The following RAB11FIP4 variants were observed in gnomAD, a reference collection of about 807,000 sequenced individuals.
RAB11FIP4 encodes RAB11 family interacting protein 4, also known as rab11 family-interacting protein 4.
Under a neutral mutation model 74.3 loss-of-function variants are expected in RAB11FIP4, and 23 were observed. The ratio of observed to expected loss-of-function variants is 0.31; its 90% CI spans 0.22 to 0.44. RAB11FIP4 has a LOEUF of 0.44. Among genes scored for constraint, RAB11FIP4 ranks in the 20% least tolerant of loss-of-function variants. The probability of loss-of-function intolerance (pLI) is 1.00; values close to 1 mark genes in which losing one functional copy is unlikely to be tolerated. For synonymous variants in RAB11FIP4, 360 were observed against 359.9 expected (o/e 1.00, Z 0.00); for missense variants, 630 against 863.9 (o/e 0.73, Z 3.39).
intron 3 of RAB11FIP4, among the ~76,000 whole-genome samples, chr17:31,436,764 GT>G (rs57496389): frequency 0.56 from 82,328 of 147,208 alleles, 23,169 homozygotes; most frequent in Admixed American, 0.64. Context: ...TTTTTTTTTT[GT>G]TTTTTTTTGT....
intron 3 of RAB11FIP4, among the ~76,000 whole-genome samples, chr17:31,496,316 A>G (rs2072115221): frequency 6.6e-6 from 1 of 152,216 alleles, no homozygotes; most frequent in Admixed American, 6.5e-5. Context: ...CTCCCACCAC[A>G]TATGAATCGT....
chr17:31,523,655 TC>T, intron 8 of RAB11FIP4, 44 bp downstream of exon 8: 1 of 1,544,862 alleles, frequency 6.5e-7, no homozygotes, highest in Non-Finnish European at 9.0e-7. Context: ...GCATGCCTGC[TC>T]CCAGGGGAGA....
At chr17:31,488,340 G>T in intron 3 of RAB11FIP4, 2 of 1,029,668 alleles carry the variant, frequency 1.9e-6, no homozygotes, top group Non-Finnish European at 1.2e-6. Context: ...GGCCCGGCCC[G>T]CGGCCCCGGG....
intron 3 of RAB11FIP4, chr17:31,488,224 G>A: frequency 1.8e-6 from 2 of 1,138,646 alleles, no homozygotes; most frequent in Non-Finnish European, 2.2e-6. Flanking sequence ...CCGCGCCTCT[G>A]CCGGGGAGCG....
chr17:31,456,561 T>C (rs2071580913), intron 3 of RAB11FIP4, among the ~76,000 whole-genome samples: 1 of 152,186 alleles, frequency 6.6e-6, no homozygotes, highest in South Asian at 2.1e-4. Context: ...CCTGATGAAA[T>C]GATACCTTTT....
In RAB11FIP4 at chr17:31,524,047, G is replaced by T. The variant is rs760244995; in HGVS notation, c.1133+51G>T. On this transcript the variant is annotated intron_variant, in intron 9 of 14. Coordinates refer to ENST00000621161, the MANE Select transcript of RAB11FIP4 (RefSeq NM_032932.6). ...CTCGGCCGTGACGCTGGGGAACAAAGGGGGGTCCATCTTGCTAAGACCTCC... is the reference window on the plus strand; with the variant it reads ...CTCGGCCGTGACGCTGGGGAACAAATGGGGGTCCATCTTGCTAAGACCTCC... 9.5e-6 allele frequency: 13 copies of T among 1,367,106 alleles called. No homozygotes were observed. The East Asian group carries it at 3.1e-4, about 33-fold the overall frequency. The allele number at this position is 1,367,106 out of a possible 1,614,324, so 84.7% of individuals were successfully genotyped here. A position where few individuals can be genotyped will look rare whatever the true frequency, so the allele number is the denominator to read the frequency against.
intron 3 of RAB11FIP4, among the ~76,000 whole-genome samples, chr17:31,468,477 T>C (rs1350865848): frequency 6.6e-6 from 1 of 152,206 alleles, no homozygotes; most frequent in African/African-American, 2.4e-5. Context: ...ATGCATTCTC[T>C]GGTGGATCTG....
At chr17:31,483,192 CAAAAAAAAAA>C (rs56720417) in intron 3 of RAB11FIP4, among the ~76,000 whole-genome samples, 5 of 58,556 alleles carry the variant, frequency 8.5e-5, no homozygotes, top group East Asian at 4.8e-4. Context: ...GACTGCATCT[CAAAAAAAAAA>C]AAAAAAAAAA....
At chr17:31,422,556 T>C (rs191710980) in intron 1 of RAB11FIP4, among the ~76,000 whole-genome samples, 86 of 152,370 alleles carry the variant, frequency 5.6e-4, no homozygotes, top group African/African-American at 2.0e-3. Flanking sequence ...AGGATTGTTA[T>C]GTATCTTCTT....
At chr17:31,499,988 G>C (rs923823108) in intron 3 of RAB11FIP4, among the ~76,000 whole-genome samples, 2 of 152,162 alleles carry the variant, frequency 1.3e-5, no homozygotes, top group Admixed American at 1.3e-4. Context: ...CCAACAGTTT[G>C]CCTCCGAAGT....
chr17:31,498,674 C>G (rs574871902), intron 3 of RAB11FIP4, among the ~76,000 whole-genome samples: 8 of 152,280 alleles, frequency 5.3e-5, no homozygotes, highest in Middle Eastern at 3.4e-3. Flanking sequence ...GGCTTTGGAC[C>G]GTGGGTCAGC....
At chr17:31,428,590 T>A (rs1304727331) in intron 1 of RAB11FIP4, among the ~76,000 whole-genome samples, 1 of 152,014 alleles carries the variant, frequency 6.6e-6, no homozygotes, top group Non-Finnish European at 1.5e-5. Context: ...TGTACACATG[T>A]GTATGCACTA....
At chr17:31,524,940 C>T (rs1037747663) in intron 9 of RAB11FIP4, 150 bp from the exon 10 acceptor site, 24 of 884,682 alleles carry the variant, frequency 2.7e-5, no homozygotes, top group South Asian at 6.4e-5. Flanking sequence ...GCGGTGTCCC[C>T]GTTCATCTCT....
chr17:31,476,110 G>A (rs1025374638), intron 3 of RAB11FIP4, among the ~76,000 whole-genome samples: 4 of 148,158 alleles, frequency 2.7e-5, no homozygotes, highest in East Asian at 4.0e-4. Context: ...CAGTATTCAC[G>A]ATTCTGTGTT....
At position 31,521,981 on chromosome 17, in the gene RAB11FIP4, T is replaced by A; in HGVS notation, c.825T>A (p.Ser275=). 1 of 1,614,182 alleles carries A rather than the reference T, an allele frequency of 6.2e-7. No homozygotes were observed. Residue 275 remains serine, a synonymous_variant, in exon 6 of 15, where the codon TCT becomes TCA. Coordinates refer to ENST00000621161, the MANE Select transcript of RAB11FIP4 (RefSeq NM_032932.6). ...GCGAATTGCTAGATGTTTACTGCTCTCAATGCTGCAAGAAAATCAACCTGC... is the reference window on the plus strand; with the variant it reads ...GCGAATTGCTAGATGTTTACTGCTCACAATGCTGCAAGAAAATCAACCTGC... The part of the protein sequence containing the change: ...YNSELLDVYC[S]QCCKKINLLN...
chr17:31,490,646 C>T (rs1256172441), intron 3 of RAB11FIP4, among the ~76,000 whole-genome samples: 1 of 152,118 alleles, frequency 6.6e-6, no homozygotes, highest in Non-Finnish European at 1.5e-5. Flanking sequence ...GCCTCCCACC[C>T]TCCCAGGCTC....
chr17:31,416,974 G>A (rs2071153956), intron 1 of RAB11FIP4, among the ~76,000 whole-genome samples: 1 of 151,962 alleles, frequency 6.6e-6, no homozygotes, highest in Non-Finnish European at 1.5e-5. Flanking sequence ...TTCTCTTTCA[G>A]GCCTGTTCCC....
At chr17:31,529,394 T>G (rs1013185139) in intron 13 of RAB11FIP4, among the ~76,000 whole-genome samples, 2 of 151,988 alleles carry the variant, frequency 1.3e-5, no homozygotes, top group Non-Finnish European at 2.9e-5. Flanking sequence ...TCTCGAGCAG[T>G]TAGGACTACA....
At chr17:31,447,091 T>C (rs1021329193) in intron 3 of RAB11FIP4, among the ~76,000 whole-genome samples, 6 of 152,184 alleles carry the variant, frequency 3.9e-5, no homozygotes, top group Non-Finnish European at 5.9e-5. Flanking sequence ...GAGACCATCC[T>C]GGCTAACACG....
Sources: gnomAD v4.1 joint callset for allele counts (sites outside exome capture counted in the v4.1 genomes callset) on GRCh38, gnomAD v4.1.1 for gene constraint, MANE v1.5 for transcripts, NCBI Gene and HGNC (gene_info 2026-07-23, HGNC 2026-07-21) for gene names.